PIGQ: variants seen among roughly 807,000 people sequenced by gnomAD.
PIGQ encodes the protein phosphatidylinositol N-acetylglucosaminyltransferase subunit Q.
Under a neutral mutation model 60.3 loss-of-function variants are expected in PIGQ, and 54 were observed. The ratio of observed to expected loss-of-function variants is 0.90; its 90% CI spans 0.72 to 1.12. The LOEUF is 1.12. Among genes scored for constraint, PIGQ ranks in the 50% most tolerant of loss-of-function variants. The pLI, the probability that PIGQ is intolerant of heterozygous loss-of-function variation, is 0.00. For missense variants in PIGQ, 799 were observed against 793.5 expected (o/e 1.01, Z -0.08); for synonymous variants, 416 against 363.7 (o/e 1.14, Z -1.64).
chr16:573,891 C>G (rs2035671685), intron 1 of PIGQ, among the ~76,000 whole-genome samples, 175 bp from the exon 2 acceptor site: 1 of 152,164 alleles, frequency 6.6e-6, no homozygotes, highest in African/African-American at 2.4e-5. Context: ...AGAAGCATGG[C>G]CCACGCGAGG....
chr16:576,256 T>G lies in PIGQ; in HGVS notation c.942+2T>G. The G allele has an allele frequency of 1.3e-6, 2 of 1,555,164 alleles. No homozygotes were observed. The highest frequency in any genetic ancestry group is 1.7e-6 in the Non-Finnish European group (2 of 1,149,960). ...GACGCCCTCGTTCCTGTGGCTGACG[T>G]GAGTGGACTGGGGTGGAGCCCGGTG... On this transcript the variant is annotated splice_donor_variant, in intron 4 of 10. Coordinates refer to ENST00000321878, the MANE Select transcript of PIGQ (RefSeq NM_004204.5). LOFTEE classifies it high-confidence loss of function.
chr16:578,594 A>C, intron 5 of PIGQ, 89 bp downstream of exon 5: 1 of 1,481,336 alleles, frequency 6.8e-7, no homozygotes, highest in South Asian at 1.2e-5. Flanking sequence ...CTGTGCCCCC[A>C]ACTCTGCTCC....
At chr16:577,632 C>T (rs550165233) in intron 4 of PIGQ, among the ~76,000 whole-genome samples, 1 of 151,812 alleles carries the variant, frequency 6.6e-6, no homozygotes, top group Non-Finnish European at 1.5e-5. Context: ...CCTGCTGTGG[C>T]TGAGGCCTTG....
chr16:573,000 C>T (rs551530815), intron 1 of PIGQ, among the ~76,000 whole-genome samples: 6 of 152,348 alleles, frequency 3.9e-5, no homozygotes, highest in East Asian at 1.9e-4. Context: ...GGCGAGCGGC[C>T]CAGCCAGCCG....
chr16:581,744 G>A (rs1369434035), intron 9 of PIGQ: 1 of 158,096 alleles, frequency 6.3e-6, no homozygotes, highest in Non-Finnish European at 1.3e-5. Context: ...TTACAGGCAC[G>A]AGCCACCGTG....
At chr16:577,566 G>A (rs1222503063) in intron 4 of PIGQ, among the ~76,000 whole-genome samples, 3 of 139,888 alleles carry the variant, frequency 2.1e-5, no homozygotes, top group Admixed American at 7.3e-5. Context: ...GACAAAACAA[G>A]ACTCCGTCTC....
rs74872027 is a variant in PIGQ, at chr16:582,011, C to T, written c.1532-237C>T. The T allele has an allele frequency of 0.16, 96,564 of 588,656 alleles. 9,174 individuals carry two copies. The highest frequency in any genetic ancestry group is 0.24 in the South Asian group (13,725 of 56,350). The allele number at this position is 588,656 out of a possible 1,614,324, so 36.5% of individuals were successfully genotyped here. The stretch of plus-strand genomic sequence containing the variant: ...ACTCCTGACCTCATGATCCGCCCAC[C>T]TCCCAAAATGCTGGGATTACAGGCG... On this transcript the variant is annotated intron_variant, in intron 9 of 10. Transcript: ENST00000321878.
intron 4 of PIGQ, among the ~76,000 whole-genome samples, chr16:577,438 A>G (rs527744276): frequency 1.8e-3 from 278 of 151,932 alleles, no homozygotes; most frequent in South Asian, 4.2e-3. Flanking sequence ...TTAGCCAGGT[A>G]TGGTGGTGGG....
Position 581,238 on chromosome 16 carries a change from C to T in PIGQ, c.1531+266C>T, listed in dbSNP as rs1269344949. ...AGACCTGAGGCCACAGGCCTTTGTTCTTCTGCCTTGGGATTTTCTGGGCTT... is the reference window on the plus strand; with the variant it reads ...AGACCTGAGGCCACAGGCCTTTGTTTTTCTGCCTTGGGATTTTCTGGGCTT... On this transcript the variant is annotated intron_variant, in intron 9 of 10. Transcript: ENST00000321878. The T allele has an allele frequency of 4.2e-6, 6 of 1,414,162 alleles. No homozygotes were observed. In the Middle Eastern group the frequency reaches 5.6e-4, roughly 132 times the overall value. The allele number at this position is 1,414,162 out of a possible 1,614,324, so 87.6% of individuals were successfully genotyped here.
chr16:582,163 C>G, intron 9 of PIGQ, 85 bp from the exon 10 acceptor site: 1 of 1,004,170 alleles, frequency 1.0e-6, no homozygotes, highest in Admixed American at 2.0e-5. Flanking sequence ...GGGTGCCCCT[C>G]AGAGAGGAAG....
chr16:582,903 C>A lies in PIGQ; in HGVS notation c.1614C>A (p.Ser538Arg). The stretch of plus-strand genomic sequence containing the variant: ...TCCAGATAAACCCACTGCCCTACAG[C>A]CGCGTGGTGCACACCTACCGCCTCC... ...LLMQINPLPY[S>R]RVVHTYRLPS... The change falls in exon 11 of 11, where the codon AGC becomes AGA. Residue 538 changes from serine (S) to arginine (R), a missense_variant. Transcript: ENST00000321878. The A allele has an allele frequency of 6.2e-7, 1 of 1,607,786 alleles. No homozygotes were observed.
In PIGQ at chr16:583,145, G is replaced by C. The variant is rs145559898; in HGVS notation, c.*110G>C. 201 of 1,613,322 alleles carry C rather than the reference G, an allele frequency of 1.2e-4. 1 individual carries two copies. The African/African-American group carries it at 2.3e-3, about 18-fold the overall frequency. ...TGTCCTGTGCTTTGTGGACGCTGCT[G>C]TGTGCTCCTGAACACGGCAGGCCCT... On this transcript the variant is annotated 3_prime_UTR_variant, in exon 11 of 11. Coordinates refer to ENST00000321878, the MANE Select transcript of PIGQ (RefSeq NM_004204.5).
rs2035681445 is a variant in PIGQ at position 574,344 on chromosome 16, T to C, written c.270T>C (p.His90=). The C allele has an allele frequency of 6.2e-7, 1 of 1,609,188 alleles. No homozygotes were observed. Among genetic ancestry groups the C allele is most frequent in the African/African-American group, 1.3e-5 (1 of 74,908 alleles). The change falls in exon 2 of 11, where the codon CAT becomes CAC. Residue 90 remains histidine (H), a synonymous_variant. Coordinates refer to ENST00000321878, the MANE Select transcript of PIGQ (RefSeq NM_004204.5). The part of the protein sequence containing the change: ...FLESLGAVFP[H]EPWLRLCRER... ...AGAGCCTGGGTGCTGTCTTCCCCCA[T>C]GAGCCCTGGCTGCGGCTGTGCCGGG...
rs1248008549 is a variant in PIGQ at position 583,439 on chromosome 16, G to A, written c.*404G>A. On this transcript the variant is annotated 3_prime_UTR_variant, in exon 11 of 11. Coordinates refer to ENST00000321878, the MANE Select transcript of PIGQ (RefSeq NM_004204.5). ...GGGGGCTCCCCAGTGGCTCTGCCCT[G>A]GCTGTGGGGGTGGAGGGACCTTGCC... 1 of 1,612,662 alleles carries A rather than the reference G, an allele frequency of 6.2e-7. No individual in the cohort carries two copies. Among genetic ancestry groups the A allele is most frequent in the Admixed American group, 1.7e-5 (1 of 60,008 alleles).
intron 1 of PIGQ, chr16:572,564 T>TGAGG: frequency 2.4e-6 from 1 of 423,634 alleles, no homozygotes; most frequent in Non-Finnish European, 4.7e-6. Context: ...CCCTCGTCCC[T>TGAGG]AAGGATGTGG....
intron 2 of PIGQ, among the ~76,000 whole-genome samples, chr16:575,142 C>T (rs953476486): frequency 1.3e-5 from 2 of 152,222 alleles, no homozygotes; most frequent in African/African-American, 4.8e-5. Context: ...GTAGCCCTGC[C>T]TGTGCCCCCA....
intron 1 of PIGQ, among the ~76,000 whole-genome samples, chr16:573,858 C>T (rs928464508): frequency 6.6e-6 from 1 of 152,158 alleles, no homozygotes; most frequent in Non-Finnish European, 1.5e-5. Context: ...GGACTTGGGG[C>T]CAGCACTCTG....
In PIGQ at chr16:574,518, C is replaced by T. The variant is rs574379330; in HGVS notation, c.444C>T (p.Pro148=). 26 of 1,607,370 alleles carry T rather than the reference C, an allele frequency of 1.6e-5. No individual in the cohort carries two copies. The highest frequency in any genetic ancestry group is 5.5e-5 in the South Asian group (5 of 90,134). Reference sequence around the variant, plus strand: ...AGCTACACCTGCCCACCGTCCTGCCCGACCGCCAGGCTGGAGCCACCACTG... The same window carrying T: ...AGCTACACCTGCCCACCGTCCTGCCTGACCGCCAGGCTGGAGCCACCACTG... ...LSQLHLPTVL[P]DRQAGATTAS... Residue 148 remains proline (P), a synonymous_variant, in exon 2 of 11, where the codon CCC becomes CCT. Transcript: ENST00000321878.
chr16:576,064 C>G (rs1163265590), intron 3 of PIGQ, 70 bp from the exon 4 acceptor site: 2 of 1,543,816 alleles, frequency 1.3e-6, no homozygotes, highest in African/African-American at 2.7e-5. Context: ...TCCGGCCAGG[C>G]AGGCCTCCTC....
Sources: allele counts gnomAD v4.1 joint callset (sites outside exome capture counted in the v4.1 genomes callset), GRCh38; gene constraint gnomAD v4.1.1; transcripts MANE v1.5; gene names NCBI Gene and HGNC (gene_info 2026-07-23, HGNC 2026-07-21).